The following CNTN3 variants were observed in gnomAD, a reference collection of about 807,000 sequenced individuals.
CNTN3 encodes the protein contactin-3.
CNTN3 carries 60 observed loss-of-function variants against 119.1 expected under a neutral mutation model. The ratio of observed to expected loss-of-function variants is 0.50; its 90% CI spans 0.41 to 0.62. The LOEUF is 0.62. Among genes scored for constraint, CNTN3 ranks in the 20% least tolerant of loss-of-function variants. The probability of loss-of-function intolerance (pLI) is 0.00; values close to 1 mark genes in which losing one functional copy is unlikely to be tolerated. For synonymous variants in CNTN3, 450 were observed against 438.7 expected (o/e 1.03, Z -0.32); for missense variants, 1,101 against 1,242.4 (o/e 0.89, Z 1.71).
At chr3:74,279,914 G>A (rs1475977151) in intron 20 of CNTN3, among the ~76,000 whole-genome samples, 3 of 151,746 alleles carry the variant, frequency 2.0e-5, no homozygotes, top group African/African-American at 7.3e-5. Context: ...AGATTAACAG[G>A]GACAAAAAAA....
chr3:74,391,782 G>A (rs1319091128), intron 5 of CNTN3, among the ~76,000 whole-genome samples: 1 of 151,862 alleles, frequency 6.6e-6, no homozygotes, highest in African/African-American at 2.4e-5. Flanking sequence ...CTTAGCCTCT[G>A]GAGTAGCTGG....
At chr3:74,611,463 C>T (rs1301429792) in intron 1 of CNTN3, among the ~76,000 whole-genome samples, 3 of 152,088 alleles carry the variant, frequency 2.0e-5, no homozygotes, top group Admixed American at 6.6e-5. Context: ...AAAGAAATGT[C>T]CCACTGTGTT....
Position 74,334,832 on chromosome 3 carries a change from T to G in CNTN3, c.1571A>C (p.Gln524Pro). 6.2e-7 allele frequency: 1 copy of G among 1,613,692 alleles called. No homozygotes were observed. Among genetic ancestry groups the G allele is most frequent in the Non-Finnish European group, 8.5e-7 (1 of 1,179,702 alleles). Reference sequence around the variant, plus strand: ...GATGATGTCTAACAGCGGGTCATGTTGTACCTGGCAGGGCAATATGACGCT... The same window carrying G: ...GATGATGTCTAACAGCGGGTCATGTGGTACCTGGCAGGGCAATATGACGCT... The part of the protein sequence containing the change: ...GESVILPCQV[Q>P]HDPLLDIIFT... Residue 524 changes from glutamine (Q) to proline (P), a missense_variant, in exon 13 of 23, where the codon CAA becomes CCA. Physicochemically the swap from Gln to Pro is moderately conservative, Grantham distance 76. Transcript: ENST00000263665.
At chr3:74,550,626 GCTC>G (rs1305414976) in intron 1 of CNTN3, among the ~76,000 whole-genome samples, 2 of 152,098 alleles carry the variant, frequency 1.3e-5, no homozygotes, top group South Asian at 4.1e-4. Context: ...ACAGCCTTGA[GCTC>G]CTCAACTCAA....
At chr3:74,422,450 C>A (rs1322034383) in intron 5 of CNTN3, among the ~76,000 whole-genome samples, 2 of 152,126 alleles carry the variant, frequency 1.3e-5, no homozygotes, top group African/African-American at 2.4e-5. Context: ...CTGAAGTCAC[C>A]AAAGGCAGAG....
chr3:74,343,736 G>A (rs1322333699), intron 11 of CNTN3, among the ~76,000 whole-genome samples: 2 of 152,208 alleles, frequency 1.3e-5, no homozygotes, highest in Non-Finnish European at 2.9e-5. Flanking sequence ...TTTGAAACTT[G>A]ACTGTGTACC....
At chr3:74,289,349 A>G (rs1702180271) in intron 19 of CNTN3, among the ~76,000 whole-genome samples, 2 of 152,072 alleles carry the variant, frequency 1.3e-5, no homozygotes, top group East Asian at 1.9e-4. Context: ...TGGACATTCT[A>G]TTTGCTACTC....
intron 4 of CNTN3, among the ~76,000 whole-genome samples, chr3:74,468,299 C>A (rs7430007): frequency 6.6e-6 from 1 of 151,968 alleles, no homozygotes; most frequent in Non-Finnish European, 1.5e-5. Context: ...AGTCTAGATG[C>A]TTCTTACGGC....
chr3:74,481,778 G>C (rs1386013456), intron 4 of CNTN3, among the ~76,000 whole-genome samples: 1 of 151,692 alleles, frequency 6.6e-6, no homozygotes, highest in Non-Finnish European at 1.5e-5. Context: ...GTAGAAATTT[G>C]AAAGTGAGGA....
intron 18 of CNTN3, among the ~76,000 whole-genome samples, chr3:74,297,682 G>A (rs1294567789): frequency 1.3e-5 from 2 of 152,156 alleles, no homozygotes; most frequent in African/African-American, 4.8e-5. Flanking sequence ...TGCATGACTT[G>A]GCTTTCAGCT....
chr3:74,497,487 A>G (rs1703085822), intron 3 of CNTN3, among the ~76,000 whole-genome samples: 1 of 151,852 alleles, frequency 6.6e-6, no homozygotes, highest in African/African-American at 2.4e-5. Context: ...ACAGAGTCTG[A>G]TATTTCTTAG....
At chr3:74,404,614 T>C (rs2106856839) in intron 5 of CNTN3, among the ~76,000 whole-genome samples, 1 of 151,916 alleles carries the variant, frequency 6.6e-6, no homozygotes, top group Non-Finnish European at 1.5e-5. Context: ...AAAATTAGAG[T>C]TATCAGGAAA....
At chr3:74,460,085 T>G (rs1702337899) in intron 4 of CNTN3, among the ~76,000 whole-genome samples, 1 of 152,000 alleles carries the variant, frequency 6.6e-6, no homozygotes, top group Non-Finnish European at 1.5e-5. Flanking sequence ...TGTGTGGGTC[T>G]ACTTTCAGAT....
chr3:74,306,286 C>T (rs1702562803), intron 13 of CNTN3, among the ~76,000 whole-genome samples: 2 of 149,166 alleles, frequency 1.3e-5, no homozygotes, highest in Admixed American at 6.7e-5. Context: ...GGATTATTTA[C>T]CATATTTATA....
chr3:74,325,343 T>A (rs985363429), intron 13 of CNTN3, among the ~76,000 whole-genome samples: 2 of 152,176 alleles, frequency 1.3e-5, no homozygotes, highest in Non-Finnish European at 2.9e-5. Context: ...AGAGATAGTA[T>A]CAACTCCCAA....
chr3:74,506,692 T>C (rs1703266341), intron 2 of CNTN3, among the ~76,000 whole-genome samples: 1 of 151,020 alleles, frequency 6.6e-6, no homozygotes, highest in African/African-American at 2.4e-5. Context: ...CAATATGCAA[T>C]GTGTACAATA....
chr3:74,589,182 G>A (rs1163181096), intron 1 of CNTN3, among the ~76,000 whole-genome samples: 3 of 151,922 alleles, frequency 2.0e-5, no homozygotes, highest in African/African-American at 4.8e-5. Context: ...CTACAAAATG[G>A]GAGAAAATTT....
chr3:74,576,471 AAAAT>A (rs1704418783), intron 1 of CNTN3, among the ~76,000 whole-genome samples: 1 of 152,188 alleles, frequency 6.6e-6, no homozygotes, highest in African/African-American at 2.4e-5. Context: ...CAGAGAAAAA[AAAAT>A]AATTCTTAAC....
At chr3:74,290,357 A>T (rs6802955) in intron 19 of CNTN3, among the ~76,000 whole-genome samples, 65,825 of 151,980 alleles carry the variant, frequency 0.43, 14,526 homozygotes, top group South Asian at 0.6. Context: ...AAGGTAAAGT[A>T]AAATTGTGGT....
Sources: allele counts gnomAD v4.1 joint callset (sites outside exome capture counted in the v4.1 genomes callset), GRCh38; gene constraint gnomAD v4.1.1; transcripts MANE v1.5; gene names NCBI Gene and HGNC (gene_info 2026-07-23, HGNC 2026-07-21).